Variants in DISC1 observed in about 807,000 individuals in gnomAD.
The protein encoded by DISC1 is DISC1 scaffold protein.
In DISC1, 57 loss-of-function variants were observed where a neutral mutation model predicts 84.5. The observed-to-expected ratio is 0.67, with a 90% CI of 0.55 to 0.84. The LOEUF (loss-of-function observed/expected upper bound fraction) is 0.84. Among genes scored for constraint, DISC1 ranks in the 40% least tolerant of loss-of-function variants. The pLI is 0.00. For synonymous variants in DISC1, 411 were observed against 415.2 expected (o/e 0.99, Z 0.12); for missense variants, 1,000 against 1,057.8 (o/e 0.95, Z 0.76).
At chr1:231,891,712 TCCATTGGCCTTTAG>T (rs1558698485) in intron 9 of DISC1, among the ~76,000 whole-genome samples, 1 of 152,158 alleles carries the variant, frequency 6.6e-6, no homozygotes, top group Non-Finnish European at 1.5e-5. Flanking sequence ...CACCTGCTGT[TCCATTGGCCTTTAG>T]CCAGGGCCTG....
chr1:231,885,486 A>G (rs2086616197), intron 9 of DISC1, among the ~76,000 whole-genome samples: 1 of 152,208 alleles, frequency 6.6e-6, no homozygotes, highest in Non-Finnish European at 1.5e-5. Context: ...AAATGTGAAT[A>G]CATATATTCA....
At chr1:232,003,194 C>T (rs1333178327) in intron 10 of DISC1, among the ~76,000 whole-genome samples, 1 of 152,042 alleles carries the variant, frequency 6.6e-6, no homozygotes, top group Admixed American at 6.6e-5. Context: ...AAGATAAAAT[C>T]TTAGAATGGG....
intron 1 of DISC1, among the ~76,000 whole-genome samples, chr1:231,628,725 CTA>C (rs1013959431): frequency 6.6e-6 from 1 of 152,110 alleles, no homozygotes; most frequent in African/African-American, 2.4e-5. Context: ...CAGAACAGAC[CTA>C]TATTAGAATT....
rs1667787154 is a variant in DISC1, at chr1:232,008,989, G to C, written c.2247G>C (p.Leu749Phe). 6.2e-7 allele frequency: 1 copy of C among 1,613,728 alleles called. No homozygotes were observed. The highest frequency in any genetic ancestry group is 8.5e-7 in the Non-Finnish European group (1 of 1,179,852). ...EDKRKTPLKV[L>F]EEWKTHLIPS... ...AAAGGAAGACCCCTTTGAAGGTATT[G>C]GAAGAATGGAAGACTCACCTCATCC... The change falls in exon 11 of 13, where the codon TTG (leucine) becomes TTC (phenylalanine). Residue 749 changes from leucine (L) to phenylalanine (F), a missense_variant. Physicochemically the swap from Leu to Phe is conservative, Grantham distance 22. Transcript: ENST00000439617.
At chr1:231,909,583 T>C (rs1348401571) in intron 9 of DISC1, among the ~76,000 whole-genome samples, 2 of 152,232 alleles carry the variant, frequency 1.3e-5, no homozygotes, top group Non-Finnish European at 2.9e-5. Context: ...CAGTATTTTA[T>C]TGAGGATATT....
chr1:231,627,941 A>C (rs1361880656), intron 1 of DISC1, among the ~76,000 whole-genome samples: 2 of 152,202 alleles, frequency 1.3e-5, no homozygotes, highest in Non-Finnish European at 2.9e-5. Flanking sequence ...AATCCTGGAC[A>C]TGCAGGAGAC....
At chr1:231,691,309 C>T (rs1242150851) in intron 1 of DISC1, among the ~76,000 whole-genome samples, 7 of 151,870 alleles carry the variant, frequency 4.6e-5, no homozygotes, top group Non-Finnish European at 8.8e-5. Flanking sequence ...CAGGCACCCG[C>T]AATCCCAGCT....
chr1:231,902,617 T>G (rs1236005504), intron 9 of DISC1, among the ~76,000 whole-genome samples: 1 of 151,760 alleles, frequency 6.6e-6, no homozygotes, highest in Admixed American at 6.6e-5. Context: ...AAAACAAAAC[T>G]CATTATCTTA....
intron 3 of DISC1, among the ~76,000 whole-genome samples, chr1:231,736,485 A>G (rs2072516706): frequency 1.3e-5 from 2 of 152,252 alleles, no homozygotes; most frequent in Admixed American, 6.5e-5. Flanking sequence ...AAGAATATAC[A>G]TATAGCTCTG....
intron 1 of DISC1, chr1:231,685,154 G>A (rs541337246): frequency 1.3e-5 from 2 of 152,324 alleles, no homozygotes; most frequent in South Asian, 4.1e-4. Flanking sequence ...AAAGGGAGTG[G>A]GAAGGACTGC....
intron 10 of DISC1, among the ~76,000 whole-genome samples, chr1:232,006,985 G>T (rs927546439): frequency 1.3e-5 from 2 of 152,162 alleles, no homozygotes; most frequent in African/African-American, 4.8e-5. Flanking sequence ...TGCTTCAGAG[G>T]GTCCAAGCCC....
intron 3 of DISC1, among the ~76,000 whole-genome samples, chr1:231,726,559 A>G (rs531490269): frequency 3.9e-5 from 6 of 152,268 alleles, no homozygotes; most frequent in African/African-American, 1.4e-4. Context: ...GCAACAGGGA[A>G]AGCCCCTCCT....
chr1:231,760,360 A>G (rs1026391960), intron 4 of DISC1, among the ~76,000 whole-genome samples: 3 of 152,186 alleles, frequency 2.0e-5, no homozygotes, highest in African/African-American at 7.2e-5. Context: ...CTTTATCACC[A>G]TCTTCCCAAA....
rs542811098 is a variant in DISC1 at position 231,797,277 on chromosome 1, A to G, written c.1689+1981A>G. ...ACGCACCCAATATTAGGATTTGCTG[A>G]AAATTTCCAACTACTATTAAAGATC... On this transcript the variant is annotated intron_variant, in intron 7 of 12. Transcript: ENST00000439617. Among the ~76,000 whole-genome samples the G allele has an allele frequency of 2.0e-5, 3 of 152,334 alleles. No homozygotes were observed. In the East Asian group the frequency reaches 5.8e-4, roughly 29 times the overall value.
intron 10 of DISC1, among the ~76,000 whole-genome samples, chr1:231,998,393 G>C (rs1006048558): frequency 6.6e-6 from 1 of 152,128 alleles, no homozygotes; most frequent in African/African-American, 2.4e-5. Context: ...TAAAACTTCC[G>C]ACCAATGGGC....
intron 1 of DISC1, among the ~76,000 whole-genome samples, chr1:231,682,333 A>G (rs1206603797): frequency 2.0e-5 from 3 of 152,252 alleles, no homozygotes; most frequent in Non-Finnish European, 2.9e-5. Flanking sequence ...AAGGGAGTTT[A>G]GAGAAAACCT....
intron 6 of DISC1, among the ~76,000 whole-genome samples, chr1:231,789,446 GA>G (rs1252016710): frequency 6.6e-6 from 1 of 152,192 alleles, no homozygotes; most frequent in Non-Finnish European, 1.5e-5. Context: ...CATTTTATTT[GA>G]CATGCTTGTG....
At chr1:231,990,665 C>G (rs1018370554) in intron 10 of DISC1, among the ~76,000 whole-genome samples, 11 of 152,166 alleles carry the variant, frequency 7.2e-5, no homozygotes, top group Non-Finnish European at 1.6e-4. Context: ...TGTGGGCTTT[C>G]TTTGCCAGAA....
intron 9 of DISC1, among the ~76,000 whole-genome samples, chr1:231,930,100 A>C (rs1257982364): frequency 6.6e-6 from 1 of 152,220 alleles, no homozygotes; most frequent in African/African-American, 2.4e-5. Context: ...GGCTCTCACT[A>C]ACAGGCATCA....
Sources: allele counts gnomAD v4.1 joint callset (sites outside exome capture counted in the v4.1 genomes callset), GRCh38; gene constraint gnomAD v4.1.1; transcripts MANE v1.5; gene names NCBI Gene and HGNC (gene_info 2026-07-23, HGNC 2026-07-21).